RASA3: variants seen among roughly 807,000 people sequenced by gnomAD.
RASA3 encodes RAS p21 protein activator 3.
Under a neutral mutation model 110.0 loss-of-function variants are expected in RASA3, and 73 were observed. The ratio of observed to expected loss-of-function variants is 0.66; its 90% CI spans 0.55 to 0.81. RASA3 has a LOEUF of 0.81. Among genes scored for constraint, RASA3 ranks in the 30% least tolerant of loss-of-function variants. RASA3 has a pLI of 0.00. For missense variants in RASA3, 976 were observed against 1,113.2 expected, an observed-to-expected ratio of 0.88 and a Z score of 1.75; for synonymous variants, 500 against 451.4, an observed-to-expected ratio of 1.11 and a Z score of -1.37.
intron 1 of RASA3, among the ~76,000 whole-genome samples, chr13:114,120,576 TCC>T (rs1226232549): frequency 4.3e-5 from 4 of 92,024 alleles, no homozygotes; most frequent in Non-Finnish European, 9.4e-5. Context: ...GGGCCCTCCC[TCC>T]TCTCTCCAGC....
At chr13:113,992,088 G>A (rs542820013) in intron 22 of RASA3, among the ~76,000 whole-genome samples, 18 of 151,950 alleles carry the variant, frequency 1.2e-4, no homozygotes, top group African/African-American at 4.1e-4. Context: ...ACATTCACAC[G>A]CTCACACATG....
At chr13:114,050,532 C>T (rs1190114981) in intron 3 of RASA3, among the ~76,000 whole-genome samples, 1 of 152,264 alleles carries the variant, frequency 6.6e-6, no homozygotes, top group East Asian at 1.9e-4. Context: ...GTCCCGACCC[C>T]TGCAATGGTG....
intron 1 of RASA3, among the ~76,000 whole-genome samples, chr13:114,102,548 C>T (rs979314829): frequency 1.3e-5 from 2 of 152,194 alleles, no homozygotes; most frequent in Non-Finnish European, 2.9e-5. Flanking sequence ...TGTGCCAGCA[C>T]TGCCCTCTAC....
At chr13:114,071,139 A>G (rs2079566362) in intron 2 of RASA3, among the ~76,000 whole-genome samples, 2 of 152,128 alleles carry the variant, frequency 1.3e-5, no homozygotes, top group East Asian at 3.9e-4. Flanking sequence ...TTTTTTTGAG[A>G]CAAGGTCTTG....
chr13:114,117,580 TC>T (rs2080304855), intron 1 of RASA3, among the ~76,000 whole-genome samples: 1 of 88,940 alleles, frequency 1.1e-5, no homozygotes, highest in Admixed American at 1.3e-4. Context: ...ATGCAATGCT[TC>T]TGTATGCACA....
At chr13:114,031,821 G>C (rs1416671127) in intron 4 of RASA3, among the ~76,000 whole-genome samples, 1 of 152,204 alleles carries the variant, frequency 6.6e-6, no homozygotes, top group Non-Finnish European at 1.5e-5. Flanking sequence ...CCCAGGGCTT[G>C]TCCCTGCCTG....
intron 1 of RASA3, among the ~76,000 whole-genome samples, chr13:114,122,845 G>A (rs1227739601): frequency 6.8e-6 from 1 of 146,178 alleles, no homozygotes; most frequent in African/African-American, 2.6e-5. Context: ...CCAAAGCAAG[G>A]ACCACTGGCT....
At chr13:114,030,032 C>T (rs2054117437) in intron 4 of RASA3, 145 bp from the exon 5 acceptor site, 7 of 704,456 alleles carry the variant, frequency 9.9e-6, no homozygotes, top group Non-Finnish European at 1.7e-5. Flanking sequence ...AGCCCCTCCA[C>T]TCCACCCCCG....
rs778354202 is a variant in RASA3, at chr13:114,018,855, G to A, written c.850C>T (p.Arg284Trp). The change falls in exon 10 of 24, where the codon CGG (arginine) becomes TGG (tryptophan). Residue 284 changes from arginine (R) to tryptophan (W), a missense_variant. Physicochemically the swap from Arg to Trp is moderately radical, Grantham distance 101. Around this residue, in one of 4 missense-constraint regions of RASA3, gnomAD observed 732 missense variants for 779.7 expected, o/e 0.94. Transcript: ENST00000334062. ...SLKPDDLGSLRLNVVYTEDHV... is the reference protein window; with the variant it reads ...SLKPDDLGSLWLNVVYTEDHV... The stretch of plus-strand genomic sequence containing the variant: ...TCTTCCGTGTATACCACGTTCAGCC[G>A]CAGGGAGCCCAGGTCGTCTGGCTTT... 1.9e-6 allele frequency: 3 copies of A among 1,613,808 alleles called. No individual in the cohort carries two copies. Among genetic ancestry groups the A allele is most frequent in the African/African-American group, 1.3e-5 (1 of 74,946 alleles).
rs139394683 is a variant in RASA3 at position 114,056,539 on chromosome 13, C to T, written c.174-4384G>A. On this transcript the variant is annotated intron_variant, in intron 2 of 23. Coordinates refer to ENST00000334062, the MANE Select transcript of RASA3 (RefSeq NM_007368.4). The surrounding 1 kb of genome is among the most constrained non-coding windows in gnomAD (Gnocchi z 5.7). ...GGGTGTTCAGTTGCTCTGCCAAAGG[C>T]TCTGCACAAGTGGCTCCTCTCTCTG... 145 of 985,026 alleles carry T rather than the reference C, an allele frequency of 1.5e-4. No individual in the cohort carries two copies. The highest frequency in any genetic ancestry group is 1.5e-3 in the African/African-American group (84 of 57,192). 61.0% of individuals were successfully genotyped at this position (985,026 alleles called of 1,614,324 possible). A position where few individuals can be genotyped will look rare whatever the true frequency, so the allele number is the denominator to read the frequency against.
chr13:113,998,657 C>T (rs114715062), intron 20 of RASA3, among the ~76,000 whole-genome samples: 181 of 152,376 alleles, frequency 1.2e-3, no homozygotes, highest in African/African-American at 4.1e-3. Context: ...ACGCCACGGA[C>T]ACCTCTAGGG....
chr13:114,009,759 G>T (rs990224514), intron 16 of RASA3, among the ~76,000 whole-genome samples: 5 of 152,218 alleles, frequency 3.3e-5, no homozygotes, highest in African/African-American at 7.2e-5. Flanking sequence ...TGGGTCCCAG[G>T]CTCATGAAGA....
rs972502995 is a variant in RASA3, at chr13:114,065,092, T to C, written c.173+8628A>G. Reference sequence around the variant, plus strand: ...CCTCTTGCAGAAAACAGAGTTGACCTTTAAGTAGTGGCTCTGATGAGGGGA... The same window carrying C: ...CCTCTTGCAGAAAACAGAGTTGACCCTTAAGTAGTGGCTCTGATGAGGGGA... On this transcript the variant is annotated intron_variant, in intron 2 of 23. Transcript: ENST00000334062. The surrounding 1 kb of genome is among the most constrained non-coding windows in gnomAD (Gnocchi z 4.1). Among the ~76,000 whole-genome samples the C allele has an allele frequency of 3.3e-5, 5 of 152,222 alleles. No homozygotes were observed. Among genetic ancestry groups the C allele is most frequent in the African/African-American group, 7.2e-5 (3 of 41,466 alleles).
At chr13:114,109,273 CTCTG>C (rs2080183438) in intron 1 of RASA3, among the ~76,000 whole-genome samples, 1 of 152,206 alleles carries the variant, frequency 6.6e-6, no homozygotes, top group South Asian at 2.1e-4. Flanking sequence ...CACGTGAAGC[CTCTG>C]TCTTGAGAAA....
chr13:114,122,448 A>G (rs1172492348), intron 1 of RASA3, among the ~76,000 whole-genome samples: 2 of 152,100 alleles, frequency 1.3e-5, no homozygotes, highest in African/African-American at 4.8e-5. Context: ...GTCTGACCCC[A>G]GCCTTGGAAA....
rs757728151 is a variant in RASA3 at position 114,018,176 on chromosome 13, C to G, written c.1019G>C (p.Arg340Pro). The change falls in exon 11 of 24, where the codon CGG (arginine) becomes CCG (proline). Residue 340 changes from arginine to proline, a missense_variant. Physicochemically the swap from Arg to Pro is moderately radical, Grantham distance 103. This residue lies in a region of RASA3 where 732 missense variants were observed against 779.7 expected (regional missense o/e 0.94). Coordinates refer to ENST00000334062, the MANE Select transcript of RASA3 (RefSeq NM_007368.4). ...EKQEAAVPLV[R>P]LFLHYGRVVP... is the part of the protein sequence containing the mutation. ...CACCCTGCCATAGTGTAGGAAGAGC[C>G]GCACCAGCGGGACGGCCGCCTCCTG... The G allele has an allele frequency of 6.4e-7, 1 of 1,551,414 alleles. No homozygotes were observed. Among genetic ancestry groups the G allele is most frequent in the Non-Finnish European group, 8.7e-7 (1 of 1,147,600 alleles).
intron 4 of RASA3, among the ~76,000 whole-genome samples, chr13:114,032,149 A>G (rs2054181567): frequency 6.6e-6 from 1 of 152,180 alleles, no homozygotes; most frequent in South Asian, 2.1e-4. Flanking sequence ...TTGTTTTTCA[A>G]AAACCGAGAC....
rs2053336652 is a variant in RASA3, at chr13:113,999,648, G to A, written c.1869C>T (p.Ser623=). 2 of 1,613,274 alleles carry A rather than the reference G, an allele frequency of 1.2e-6. No individual in the cohort carries two copies. The highest frequency in any genetic ancestry group is 1.1e-5 in the South Asian group (1 of 90,998). Residue 623 remains serine (S), a synonymous_variant, in exon 20 of 24, where the codon AGC becomes AGT. Transcript: ENST00000334062. ...HKSKGDQPLY[S]IPIENILAVE... ...CTGCCAGGATGTTCTCGATGGGAAT[G>A]CTGTAGAGAGGCTGGTCCCCTGCAG...
intron 4 of RASA3, among the ~76,000 whole-genome samples, chr13:114,037,017 A>G (rs1026329845): frequency 2.6e-5 from 4 of 152,208 alleles, no homozygotes; most frequent in African/African-American, 9.7e-5. Context: ...TTTGCCTTCC[A>G]TAAAGTGCAA....
Sources: allele counts gnomAD v4.1 joint callset (sites outside exome capture counted in the v4.1 genomes callset), GRCh38; gene constraint gnomAD v4.1.1; regional missense constraint gnomAD v4.1.1; non-coding constraint Gnocchi (gnomAD v3.1); transcripts MANE v1.5; gene names NCBI Gene and HGNC (gene_info 2026-07-23, HGNC 2026-07-21).